The following CCDC180 variants were observed in gnomAD, a reference collection of about 807,000 sequenced individuals.
The protein encoded by CCDC180 is coiled-coil domain-containing protein 180.
Under a neutral mutation model 209.2 loss-of-function variants are expected in CCDC180, and 154 were observed. That is an observed-to-expected ratio of 0.74 (90% CI 0.65 to 0.84). CCDC180 has a LOEUF of 0.84. CCDC180 is among the 40% of genes least tolerant of loss of function. The pLI, the probability that CCDC180 is intolerant of heterozygous loss-of-function variation, is 0.00. For synonymous variants in CCDC180, 778 were observed against 749.1 expected (o/e 1.04, Z -0.63); for missense variants, 1,874 against 1,997.3 (o/e 0.94, Z 1.18).
intron 18 of CCDC180, among the ~76,000 whole-genome samples, chr9:97,331,357 T>C (rs1244274720): frequency 6.6e-6 from 1 of 152,242 alleles, no homozygotes; most frequent in African/African-American, 2.4e-5. Flanking sequence ...TCTTAGCTAT[T>C]GTGAATAGTG....
At chr9:97,322,716 A>C in intron 11 of CCDC180, 117 bp from the exon 12 acceptor site, 1 of 826,196 alleles carries the variant, frequency 1.2e-6, no homozygotes, top group East Asian at 2.5e-5. Flanking sequence ...GGGACCACTG[A>C]TCTTCACCTA....
rs779444777 is a variant in CCDC180 at position 97,362,299 on chromosome 9, G to A, written c.3760G>A (p.Ala1254Thr). ...GTCTCGGGGCAGCAGTGAGGCAGGG[G>A]CTGGTGGTGCTGTGTGCTCACCTCC... ...CGSRGSSEAG[A>T]GGAVCSPPVL... The change falls in exon 28 of 37, where the codon GCT becomes ACT. Residue 1254 changes from alanine to threonine, a missense_variant. Physicochemically the swap from Ala to Thr is moderately conservative, Grantham distance 58. Coordinates refer to ENST00000529487, the MANE Select transcript of CCDC180 (RefSeq NM_020893.6). The A allele has an allele frequency of 1.2e-6, 2 of 1,614,152 alleles. No individual in the cohort carries two copies. Among genetic ancestry groups the A allele is most frequent in the African/African-American group, 1.3e-5 (1 of 75,034 alleles).
chr9:97,374,616 GA>G lies in CCDC180; in HGVS notation c.4675del (p.Ser1559ValfsTer5). The G allele has an allele frequency of 6.2e-7, 1 of 1,614,148 alleles. No individual in the cohort carries two copies. The highest frequency in any genetic ancestry group is 8.5e-7 in the Non-Finnish European group (1 of 1,180,030). On this transcript the variant is annotated frameshift_variant, in exon 35 of 37. Coordinates refer to ENST00000529487, the MANE Select transcript of CCDC180 (RefSeq NM_020893.6). LOFTEE classifies it high-confidence loss of function. Reference sequence around the variant, plus strand: ...TCGCTGGGCTCTCCCTGAAGGAAGAGAGTGAGAAACCCCTGATTGAACGTGG... The same window carrying G: ...TCGCTGGGCTCTCCCTGAAGGAAGAGGTGAGAAACCCCTGATTGAACGTGG... ...KLAGLSLKEE[S>X]EKPLIERGSR...
chr9:97,340,953 A>G (rs747148755), intron 18 of CCDC180, among the ~76,000 whole-genome samples: 5 of 152,196 alleles, frequency 3.3e-5, no homozygotes, highest in Non-Finnish European at 7.4e-5. Context: ...GTCTGCCTTC[A>G]TGTTCCATCC....
intron 18 of CCDC180, among the ~76,000 whole-genome samples, chr9:97,342,765 T>G (rs1037089171): frequency 6.6e-6 from 1 of 152,240 alleles, no homozygotes; most frequent in East Asian, 1.9e-4. Flanking sequence ...TTATTTCTTC[T>G]CTTTTCCTAT....
intron 22 of CCDC180, among the ~76,000 whole-genome samples, chr9:97,353,622 G>A (rs959305204): frequency 1.1e-4 from 16 of 152,182 alleles, no homozygotes; most frequent in African/African-American, 3.9e-4. Flanking sequence ...TGTTTCTGCT[G>A]GGTAACCAGG....
chr9:97,359,633 C>A (rs1189050826), intron 25 of CCDC180, among the ~76,000 whole-genome samples: 1 of 152,074 alleles, frequency 6.6e-6, no homozygotes, highest in East Asian at 1.9e-4. Flanking sequence ...AATGTGAGAG[C>A]CAGAGGAGAT....
At position 97,354,582 on chromosome 9, in the gene CCDC180, G is replaced by A. The variant is rs774815199; in HGVS notation, c.3016G>A (p.Gly1006Arg). ...GATTATTTTCAGATTGTTTTCAGAG[G>A]GAGGCAACTTTTCTCCTAAAGAAAT... is the stretch of plus-strand genomic sequence containing the variant. The part of the protein sequence containing the change: ...FIKHCRLFSE[G>R]GNFSPKEINS... Residue 1006 changes from glycine (G) to arginine (R), a missense_variant, in exon 23 of 37, where the codon GGA becomes AGA. By Grantham distance (125) the Gly-to-Arg change is moderately radical. Coordinates refer to ENST00000529487, the MANE Select transcript of CCDC180 (RefSeq NM_020893.6). 2.4e-5 allele frequency: 39 copies of A among 1,614,014 alleles called. No individual in the cohort carries two copies. The highest frequency in any genetic ancestry group is 3.0e-5 in the Non-Finnish European group (35 of 1,180,008).
At chr9:97,318,734 C>A in intron 10 of CCDC180, 152 bp downstream of exon 10, 1 of 1,013,266 alleles carries the variant, frequency 9.9e-7, no homozygotes, top group Non-Finnish European at 1.4e-6. Context: ...TGGACCATTT[C>A]AGCCCCACTC....
In CCDC180 at chr9:97,326,625, T is replaced by C. The variant is rs756484034; in HGVS notation, c.1617T>C (p.Phe539=). ...RQQSDKETLA[F]HLEKVKDYLK... is the part of the protein sequence containing the mutation. ...AAAGTGACAAAGAAACACTGGCGTT[T>C]CACCTGGAAAAGGTCAAAGATTATC... is the stretch of plus-strand genomic sequence containing the variant. Residue 539 remains phenylalanine (F), a synonymous_variant, in exon 15 of 37, where the codon TTT becomes TTC. Transcript: ENST00000529487. 6.2e-7 allele frequency: 1 copy of C among 1,613,942 alleles called. No individual in the cohort carries two copies. The highest frequency in any genetic ancestry group is 2.2e-5 in the East Asian group (1 of 44,878).
intron 19 of CCDC180, among the ~76,000 whole-genome samples, chr9:97,345,274 G>T (rs1035027392): frequency 6.6e-6 from 1 of 152,196 alleles, no homozygotes; most frequent in African/African-American, 2.4e-5. Flanking sequence ...AGGAGATAGA[G>T]CCGAAAGATA....
rs769460517 is a variant in CCDC180 at position 97,314,511 on chromosome 9, A to G, written c.578A>G (p.Tyr193Cys). Residue 193 changes from tyrosine (Y) to cysteine (C), a missense_variant, in exon 6 of 37, where the codon TAC becomes TGC. Physicochemically the swap from Tyr to Cys is radical, Grantham distance 194. Coordinates refer to ENST00000529487, the MANE Select transcript of CCDC180 (RefSeq NM_020893.6). The stretch of plus-strand genomic sequence containing the variant: ...GAAAATGACACCAACCTTGAGGACT[A>G]CACCATCCAAGTAGGGGTCCCTTCG... Reference protein sequence around the residue: ...KVENDTNLEDYTIQALLELWD... With the variant: ...KVENDTNLEDCTIQALLELWD... The G allele has an allele frequency of 6.2e-7, 1 of 1,614,134 alleles. No homozygotes were observed. The highest frequency in any genetic ancestry group is 2.2e-5 in the East Asian group (1 of 44,882).
In CCDC180 at chr9:97,309,541, G is replaced by A. The variant is rs751232499; in HGVS notation, c.197G>A (p.Arg66Gln). Residue 66 changes from arginine to glutamine, a missense_variant, in exon 3 of 37, where the codon CGA (arginine) becomes CAA (glutamine). Transcript: ENST00000529487. ...ETPEGEVMSPRQQKWMHSLPN... is the reference protein window; with the variant it reads ...ETPEGEVMSPQQQKWMHSLPN... ...CCTGAAGGGGAGGTGATGTCTCCCC[G>A]ACAGCAGAAGTGGATGCACAGCCTC... 1.8e-5 allele frequency: 28 copies of A among 1,596,358 alleles called. No individual in the cohort carries two copies. The highest frequency in any genetic ancestry group is 3.5e-5 in the Admixed American group (2 of 56,840).
intron 31 of CCDC180, among the ~76,000 whole-genome samples, chr9:97,367,309 A>G (rs1826950620): frequency 1.3e-5 from 2 of 151,946 alleles, no homozygotes; most frequent in African/African-American, 2.4e-5. Context: ...TGAATCTATC[A>G]CACTTTGATG....
chr9:97,333,021 C>T (rs933313876), intron 18 of CCDC180, among the ~76,000 whole-genome samples: 3 of 152,116 alleles, frequency 2.0e-5, no homozygotes, highest in African/African-American at 4.8e-5. Context: ...ATGGCTCTTA[C>T]TATTTTGAAG....
At chr9:97,343,217 G>A in intron 18 of CCDC180, 123 bp from the exon 19 acceptor site, 1 of 594,040 alleles carries the variant, frequency 1.7e-6, no homozygotes, top group Non-Finnish European at 2.9e-6. Flanking sequence ...ACCTAGGCAA[G>A]ATTCGGCCCA....
At chr9:97,344,420 C>T (rs1387653686) in intron 19 of CCDC180, among the ~76,000 whole-genome samples, 1 of 152,202 alleles carries the variant, frequency 6.6e-6, no homozygotes, top group Non-Finnish European at 1.5e-5. Flanking sequence ...CCCTCTCCTT[C>T]CTCTACCAGA....
chr9:97,328,177 C>T (rs760836545), intron 16 of CCDC180, 31 bp downstream of exon 16: 7 of 1,607,800 alleles, frequency 4.4e-6, no homozygotes, highest in Non-Finnish European at 5.1e-6. Context: ...CACCCAGCCA[C>T]TCATGAAGAA....
At chr9:97,347,258 A>G in intron 19 of CCDC180, 56 bp from the exon 20 acceptor site, 3 of 1,504,582 alleles carry the variant, frequency 2.0e-6, no homozygotes, top group Non-Finnish European at 2.7e-6. Context: ...ATATGGAAAG[A>G]CCTCTCATGG....
Sources: gnomAD v4.1 joint callset for allele counts (sites outside exome capture counted in the v4.1 genomes callset) on GRCh38, gnomAD v4.1.1 for gene constraint, MANE v1.5 for transcripts, NCBI Gene and HGNC (gene_info 2026-07-23, HGNC 2026-07-21) for gene names.